RPS6KC1: variants seen among roughly 807,000 people sequenced by gnomAD.
The protein encoded by RPS6KC1 is inactive ribosomal protein S6 kinase delta-1.
A neutral mutation model predicts 103.8 loss-of-function variants in RPS6KC1; 54 were observed. That is an observed-to-expected ratio of 0.52 (90% confidence interval 0.42 to 0.65). The LOEUF (loss-of-function observed/expected upper bound fraction) is 0.65, where lower values mean the gene tolerates loss of function less well. Among genes scored for constraint, RPS6KC1 ranks in the 30% least tolerant of loss-of-function variants. The pLI is 0.00. For synonymous variants in RPS6KC1, 439 were observed against 438.7 expected, an observed-to-expected ratio of 1.00 and a Z score of -0.01; for missense variants, 1,151 against 1,253.8, an observed-to-expected ratio of 0.92 and a Z score of 1.24.
the RPS6KC1 span, among the ~76,000 whole-genome samples, chr1:213,815,073 G>T: frequency 6.6e-6 from 1 of 152,102 alleles, no homozygotes; most frequent in Non-Finnish European, 1.5e-5. Context: ...TGAATCATGG[G>T]GGCAGTGACC....
At chr1:213,577,451 G>A in the RPS6KC1 span, among the ~76,000 whole-genome samples, 1 of 152,232 alleles carries the variant, frequency 6.6e-6, no homozygotes, top group East Asian at 1.9e-4. Flanking sequence ...ACCTGAAAAT[G>A]TGGAACCAAC....
the RPS6KC1 span, among the ~76,000 whole-genome samples, chr1:213,429,284 G>C: frequency 3.7e-3 from 570 of 152,212 alleles, 9 homozygotes; most frequent in African/African-American, 0.013. Flanking sequence ...CTGAGTAGTA[G>C]CTGGGACCAC....
intron 8 of RPS6KC1, 92 bp from the exon 9 acceptor site, chr1:213,230,405 C>A: frequency 2.3e-6 from 2 of 855,234 alleles, no homozygotes; most frequent in South Asian, 2.0e-5. Flanking sequence ...GATTAAATTT[C>A]AGCCCTGCCC....
At chr1:213,718,683 A>G in the RPS6KC1 span, among the ~76,000 whole-genome samples, 1 of 152,238 alleles carries the variant, frequency 6.6e-6, no homozygotes, top group Admixed American at 6.5e-5. Flanking sequence ...TGTCTTCTCC[A>G]GTCTCAAAAG....
the RPS6KC1 span, among the ~76,000 whole-genome samples, chr1:213,662,229 A>T: frequency 6.6e-6 from 1 of 151,736 alleles, no homozygotes; most frequent in South Asian, 2.1e-4. Context: ...TGCCTAGAAA[A>T]AAAAAAAATT....
At chr1:213,730,689 T>C in the RPS6KC1 span, among the ~76,000 whole-genome samples, 1 of 152,222 alleles carries the variant, frequency 6.6e-6, no homozygotes, top group South Asian at 2.1e-4. Flanking sequence ...GTAAGATGCA[T>C]AGTTTTCAAA....
chr1:213,437,994 A>AT, the RPS6KC1 span, among the ~76,000 whole-genome samples: 4 of 151,046 alleles, frequency 2.6e-5, no homozygotes, highest in Non-Finnish European at 4.4e-5. Flanking sequence ...ATTTCAATTC[A>AT]TTTTTTTACT....
the RPS6KC1 span, among the ~76,000 whole-genome samples, chr1:213,618,526 G>T: frequency 0.02 from 3,112 of 152,304 alleles, 96 homozygotes; most frequent in African/African-American, 0.071. Flanking sequence ...TACTGTGGGT[G>T]CAGTGAATGG....
At chr1:213,544,761 G>A in the RPS6KC1 span, among the ~76,000 whole-genome samples, 3 of 152,156 alleles carry the variant, frequency 2.0e-5, no homozygotes, top group Non-Finnish European at 4.4e-5. Flanking sequence ...AGCTTATGTG[G>A]CCCCCTTTAC....
At chr1:213,668,678 A>G in the RPS6KC1 span, among the ~76,000 whole-genome samples, 1 of 152,116 alleles carries the variant, frequency 6.6e-6, no homozygotes, top group Admixed American at 6.5e-5. Context: ...TCTCCTCTAT[A>G]GTTATGGAAG....
the RPS6KC1 span, among the ~76,000 whole-genome samples, chr1:213,596,672 A>G: frequency 6.6e-6 from 1 of 152,244 alleles, no homozygotes; most frequent in African/African-American, 2.4e-5. Context: ...CTGATAACTG[A>G]CAGCTGGTCA....
the RPS6KC1 span, among the ~76,000 whole-genome samples, chr1:213,742,507 T>A: frequency 6.6e-6 from 1 of 152,208 alleles, no homozygotes; most frequent in African/African-American, 2.4e-5. Context: ...ATACCTTTGG[T>A]TTGATTATTA....
the RPS6KC1 span, among the ~76,000 whole-genome samples, chr1:213,711,840 G>A: frequency 6.6e-6 from 1 of 152,148 alleles, no homozygotes; most frequent in Admixed American, 6.5e-5. Context: ...ATCACCAGTG[G>A]AGGCTGCAGA....
chr1:213,182,828 TTA>T (rs906558644), intron 8 of RPS6KC1, among the ~76,000 whole-genome samples: 6 of 148,690 alleles, frequency 4.0e-5, no homozygotes, highest in Non-Finnish European at 7.4e-5. Context: ...AGTGAGTTTC[TTA>T]TATATCATGA....
the RPS6KC1 span, among the ~76,000 whole-genome samples, chr1:213,432,924 T>C: frequency 6.6e-6 from 1 of 152,350 alleles, no homozygotes; most frequent in East Asian, 1.9e-4. Context: ...TTTTAGCTAT[T>C]GTAAATAAAG....
At chr1:213,257,427 C>A (rs1039835812) in intron 12 of RPS6KC1, among the ~76,000 whole-genome samples, 3 of 152,116 alleles carry the variant, frequency 2.0e-5, no homozygotes, top group Non-Finnish European at 4.4e-5. Flanking sequence ...TGTTATTAGA[C>A]CCTATAAACC....
the RPS6KC1 span, among the ~76,000 whole-genome samples, chr1:213,304,820 C>T: frequency 2.0e-5 from 3 of 152,138 alleles, no homozygotes; most frequent in Admixed American, 6.5e-5. Flanking sequence ...GGAATATAGG[C>T]GTGAGCCAGC....
chr1:213,586,271 A>G, the RPS6KC1 span, among the ~76,000 whole-genome samples: 5 of 152,212 alleles, frequency 3.3e-5, no homozygotes, highest in Non-Finnish European at 7.3e-5. Context: ...ACAGACCAAG[A>G]CTTCATTTAA....
chr1:213,351,599 A>C, the RPS6KC1 span, among the ~76,000 whole-genome samples: 1,054 of 152,304 alleles, frequency 6.9e-3, 13 homozygotes, highest in African/African-American at 0.021. Flanking sequence ...ACTGAATGCT[A>C]TAGTCATGAC....
Sources: allele counts gnomAD v4.1 joint callset (sites outside exome capture counted in the v4.1 genomes callset), GRCh38; gene constraint gnomAD v4.1.1; transcripts MANE v1.5; gene names NCBI Gene and HGNC (gene_info 2026-07-23, HGNC 2026-07-21).